The following DAGLA variants were observed in gnomAD, a reference collection of about 807,000 sequenced individuals.
The protein encoded by DAGLA is diacylglycerol lipase alpha.
In DAGLA, 22 loss-of-function variants were observed where a neutral mutation model predicts 102.6. The ratio of observed to expected loss-of-function variants is 0.21; its 90% CI spans 0.15 to 0.31. The LOEUF (loss-of-function observed/expected upper bound fraction) is 0.31, where lower values mean the gene tolerates loss of function less well. DAGLA is among the 10% of genes least tolerant of loss of function. The pLI is 1.00. For missense variants in DAGLA, 927 were observed against 1,446.6 expected (o/e 0.64, Z 5.83); for synonymous variants, 578 against 628.9 (o/e 0.92, Z 1.21).
intron 1 of DAGLA, among the ~76,000 whole-genome samples, chr11:61,690,503 CATTTAATGCAATGAACAGTG>C (rs1333567355): frequency 6.6e-6 from 1 of 152,104 alleles, no homozygotes; most frequent in Admixed American, 6.5e-5. Flanking sequence ...TGTAGGGACA[CATTTAATGCAATGAACAGTG>C]ATGGCTTCCA....
intron 1 of DAGLA, among the ~76,000 whole-genome samples, chr11:61,715,961 C>A (rs1366913581): frequency 1.3e-5 from 2 of 152,188 alleles, no homozygotes; most frequent in Non-Finnish European, 2.9e-5. Context: ...AGAGGGTTCT[C>A]CCTGAGCTGT....
intron 19 of DAGLA, among the ~76,000 whole-genome samples, 170 bp from the exon 20 acceptor site, chr11:61,743,362 C>CAAAAAAAA (rs374336921): frequency 1.9e-5 from 1 of 51,962 alleles, no homozygotes; most frequent in Non-Finnish European, 4.2e-5. Context: ...GACTCTGTCT[C>CAAAAAAAA]AAAAAAAAAA....
At chr11:61,716,969 G>A (rs1159059178) in intron 1 of DAGLA, among the ~76,000 whole-genome samples, 1 of 152,090 alleles carries the variant, frequency 6.6e-6, no homozygotes, top group Non-Finnish European at 1.5e-5. Context: ...GAGGCAGGAG[G>A]AGCCCCCAGC....
In DAGLA at chr11:61,744,490, C is replaced by T; in HGVS notation, c.*1C>T. ...TGAGCTGGTCATCTCAGCACGCTAG[C>T]ACCCCAGTTGCGTGGCCAGCCGGGC... On this transcript the variant is annotated 3_prime_UTR_variant, in exon 20 of 20. Coordinates refer to ENST00000257215, the MANE Select transcript of DAGLA (RefSeq NM_006133.3). 6.4e-7 allele frequency: 1 copy of T among 1,551,954 alleles called. No homozygotes were observed.
At position 61,706,724 on chromosome 11, in the gene DAGLA, C is replaced by T. The variant is rs141063105; in HGVS notation, c.-44-13388C>T. ...GACCCCGCCGAGGTCCCCTAGCTCT[C>T]GCTGACTCCCTTACCACCACCCCCA... is the stretch of plus-strand genomic sequence containing the variant. On this transcript the variant is annotated intron_variant, in intron 1 of 19. Coordinates refer to ENST00000257215, the MANE Select transcript of DAGLA (RefSeq NM_006133.3). Among the ~76,000 whole-genome samples the T allele has an allele frequency of 3.3e-3, 507 of 152,328 alleles. 5 individuals are homozygous for T. The highest frequency in any genetic ancestry group is 0.011 in the African/African-American group (473 of 41,570).
chr11:61,680,912 G>A (rs12805732), intron 1 of DAGLA, among the ~76,000 whole-genome samples: 29,720 of 152,144 alleles, frequency 0.2, 3,707 homozygotes, highest in Middle Eastern at 0.31. Flanking sequence ...CGCTAGCATG[G>A]GTGTGAGGAA....
At chr11:61,703,093 G>A (rs572920945) in intron 1 of DAGLA, among the ~76,000 whole-genome samples, 92 of 152,252 alleles carry the variant, frequency 6.0e-4, no homozygotes, top group African/African-American at 1.3e-3. Flanking sequence ...TGGCTCCTAC[G>A]TTCTCCTGTT....
chr11:61,693,354 C>CT lies in DAGLA; in HGVS notation c.-45+12862dup, dbSNP rs888547144. Reference sequence around the variant, plus strand: ...AAGATAAGTCTTTTTCTTTTTCTTTCTTTTTTTTTTTTGACATGGAGTCTT... The same window carrying CT: ...AAGATAAGTCTTTTTCTTTTTCTTTCTTTTTTTTTTTTTGACATGGAGTCTT... On this transcript the variant is annotated intron_variant, in intron 1 of 19. Transcript: ENST00000257215. 8.3e-3 allele frequency among the ~76,000 whole-genome samples: 1,162 copies of CT among 139,928 alleles called. 5 individuals carry two copies. Among genetic ancestry groups the CT allele is most frequent in the African/African-American group, 0.023 (876 of 38,174 alleles). The allele number at this position is 139,928 out of a possible 152,430, so 91.8% of individuals were successfully genotyped here.
intron 1 of DAGLA, among the ~76,000 whole-genome samples, chr11:61,706,075 C>G (rs1349947879): frequency 6.6e-6 from 1 of 152,244 alleles, no homozygotes; most frequent in Non-Finnish European, 1.5e-5. Flanking sequence ...AAGGACTCAT[C>G]TGAGCAACTG....
intron 6 of DAGLA, among the ~76,000 whole-genome samples, chr11:61,727,078 G>C (rs935518906): frequency 3.9e-5 from 6 of 151,972 alleles, no homozygotes; most frequent in Non-Finnish European, 7.3e-5. Context: ...TCAGAGTCTG[G>C]GGAAAAGATA....
rs762471514 is a variant in DAGLA, at chr11:61,734,873, G to A, written c.999G>A (p.Pro333=). The A allele has an allele frequency of 1.9e-5, 30 of 1,613,694 alleles. No homozygotes were observed. Among genetic ancestry groups the A allele is most frequent in the South Asian group, 1.3e-4 (12 of 91,082 alleles). ...SCSCCLCPAR[P]RFAPGVTIEE... is the part of the protein sequence containing the mutation. The stretch of plus-strand genomic sequence containing the variant: ...GGTGTTGCCTGTGTCCTGCGAGGCC[G>A]CGGTTCGCCCCTGGAGTCACCATCG... Residue 333 remains proline (P), a synonymous_variant, in exon 10 of 20, where the codon CCG becomes CCA. Coordinates refer to ENST00000257215, the MANE Select transcript of DAGLA (RefSeq NM_006133.3). This position sits in a 1 kb window ranked among gnomAD's most constrained non-coding sequence, Gnocchi z 4.2.
rs758028589 is a variant in DAGLA, at chr11:61,743,688, A to G, written c.2328A>G (p.Pro776=). The G allele has an allele frequency of 6.2e-7, 1 of 1,602,828 alleles. No homozygotes were observed. The highest frequency in any genetic ancestry group is 8.5e-7 in the Non-Finnish European group (1 of 1,176,710). Residue 776 remains proline (P), a synonymous_variant, in exon 20 of 20, where the codon CCA becomes CCG. Coordinates refer to ENST00000257215, the MANE Select transcript of DAGLA (RefSeq NM_006133.3). ...LAAELQARRA[P]LATMESLSDT... ...CGGAGCTGCAGGCCCGGCGGGCACC[A>G]CTGGCCACCATGGAGAGCCTCTCGG...
intron 1 of DAGLA, among the ~76,000 whole-genome samples, chr11:61,703,392 A>C (rs941951949): frequency 5.8e-5 from 8 of 137,320 alleles, no homozygotes; most frequent in Non-Finnish European, 1.2e-4. Context: ...GGGATGTTTG[A>C]GCTAGGAGCT....
At chr11:61,683,186 G>A (rs944876491) in intron 1 of DAGLA, among the ~76,000 whole-genome samples, 2 of 152,212 alleles carry the variant, frequency 1.3e-5, no homozygotes, top group East Asian at 1.9e-4. Flanking sequence ...CTTGCTCCCC[G>A]AGGAAAGTTT....
chr11:61,741,765 C>T (rs985316230), intron 19 of DAGLA, among the ~76,000 whole-genome samples: 2 of 152,168 alleles, frequency 1.3e-5, no homozygotes, highest in Admixed American at 1.3e-4. Flanking sequence ...GCGCCTGCCA[C>T]CGTGCCCAGC....
At chr11:61,692,929 A>G (rs929792975) in intron 1 of DAGLA, among the ~76,000 whole-genome samples, 1 of 151,632 alleles carries the variant, frequency 6.6e-6, no homozygotes, top group Non-Finnish European at 1.5e-5. Context: ...TAGATGGAGG[A>G]AAAAAAAGAC....
At chr11:61,727,382 A>G (rs539046055) in intron 6 of DAGLA, among the ~76,000 whole-genome samples, 1 of 152,334 alleles carries the variant, frequency 6.6e-6, no homozygotes, top group East Asian at 1.9e-4. Flanking sequence ...CAAGTGCCAA[A>G]CACTCAGGGG....
At chr11:61,683,088 C>T (rs967742390) in intron 1 of DAGLA, among the ~76,000 whole-genome samples, 2 of 152,218 alleles carry the variant, frequency 1.3e-5, no homozygotes, top group African/African-American at 4.8e-5. Flanking sequence ...TGCCCCATGG[C>T]GCTGGAAGTC....
At chr11:61,690,791 C>T (rs2135550834) in intron 1 of DAGLA, among the ~76,000 whole-genome samples, 1 of 152,286 alleles carries the variant, frequency 6.6e-6, no homozygotes, top group South Asian at 2.1e-4. Flanking sequence ...GAACAGCCGC[C>T]CACAAAAGGA....
Sources: gnomAD v4.1 joint callset for allele counts (sites outside exome capture counted in the v4.1 genomes callset) on GRCh38, gnomAD v4.1.1 for gene constraint, Gnocchi (gnomAD v3.1) non-coding constraint, MANE v1.5 for transcripts, NCBI Gene and HGNC (gene_info 2026-07-23, HGNC 2026-07-21) for gene names.